Variants in COL4A1 observed in about 807,000 individuals in gnomAD.
COL4A1 encodes the protein collagen alpha-1(IV) chain.
In COL4A1, 40 loss-of-function variants were observed where a neutral mutation model predicts 216.6. That is an observed-to-expected ratio of 0.18 (90% CI 0.14 to 0.24). The LOEUF (loss-of-function observed/expected upper bound fraction) is 0.24. Ranked by LOEUF, COL4A1 falls within the 10% of genes least tolerant of loss-of-function variation. COL4A1 has a pLI of 1.00. For missense variants in COL4A1, 1,628 were observed against 2,196.8 expected (o/e 0.74, Z 5.18); for synonymous variants, 839 against 810.7 (o/e 1.03, Z -0.59).
At chr13:110,155,772 T>C (rs7999678) in intron 49 of COL4A1, among the ~76,000 whole-genome samples, 132,409 of 151,316 alleles carry the variant, frequency 0.88, 57,959 homozygotes, top group East Asian at 0.95. Context: ...ATTAGCTGGG[T>C]GTGGTGGCAC....
intron 48 of COL4A1, among the ~76,000 whole-genome samples, chr13:110,161,733 AAC>A (rs565701712): frequency 5.9e-5 from 9 of 152,364 alleles, no homozygotes; most frequent in Non-Finnish European, 7.3e-5. Context: ...AGAAAATTAA[AAC>A]ACAGTTTGGT....
intron 24 of COL4A1, among the ~76,000 whole-genome samples, chr13:110,188,992 T>TA (rs11430056): frequency 0.23 from 35,063 of 152,144 alleles, 4,797 homozygotes; most frequent in Admixed American, 0.3. Context: ...TTAAATTAAA[T>TA]AACACAAAAA....
At chr13:110,253,636 A>ATGTATTACATATACGTATAATTATATG (rs1882348580) in intron 1 of COL4A1, among the ~76,000 whole-genome samples, 4 of 143,898 alleles carry the variant, frequency 2.8e-5, no homozygotes, top group Non-Finnish European at 4.5e-5. Flanking sequence ...TTATATATGT[A>ATGTATTACATATACGTATAATTATATG]TGTATGTATT....
chr13:110,178,376 T>C (rs974537818), intron 31 of COL4A1, 145 bp from the exon 32 acceptor site: 116 of 981,988 alleles, frequency 1.2e-4, no homozygotes, highest in Non-Finnish European at 1.6e-4. Context: ...CTGTTAGGTG[T>C]TGGTGTTTGG....
At chr13:110,294,163 T>G (rs1205316422) in intron 1 of COL4A1, among the ~76,000 whole-genome samples, 1 of 152,188 alleles carries the variant, frequency 6.6e-6, no homozygotes, top group Non-Finnish European at 1.5e-5. Context: ...GTTGCCATTG[T>G]GCAGAGATGG....
chr13:110,182,189 C>A (rs186083498), intron 28 of COL4A1, among the ~76,000 whole-genome samples: 2 of 152,310 alleles, frequency 1.3e-5, no homozygotes, highest in Non-Finnish European at 2.9e-5. Context: ...CCCGCCCAGC[C>A]TGAGGGAAGC....
intron 20 of COL4A1, among the ~76,000 whole-genome samples, chr13:110,200,147 C>T (rs1210901609): frequency 1.3e-5 from 2 of 152,230 alleles, no homozygotes; most frequent in East Asian, 3.8e-4. Context: ...CGTTGTGTGC[C>T]AATGCTAGGG....
rs190230479 is a variant in COL4A1, at chr13:110,170,998, G to A, written c.3557-266C>T. Among the ~76,000 whole-genome samples, 116 of 152,324 alleles carry A rather than the reference G, an allele frequency of 7.6e-4. 1 individual carries two copies. Among genetic ancestry groups the A allele is most frequent in the African/African-American group, 1.9e-3 (79 of 41,566 alleles). The stretch of plus-strand genomic sequence containing the variant: ...ATCGTTTTCATACTTCTCACGAGAC[G>A]TGTTCTATGGCAAAGGCATCTGAAT... On this transcript the variant is annotated intron_variant, in intron 41 of 51. Transcript: ENST00000375820.
intron 22 of COL4A1, among the ~76,000 whole-genome samples, chr13:110,194,115 A>T (rs924914971): frequency 3.3e-5 from 5 of 152,220 alleles, no homozygotes; most frequent in Non-Finnish European, 7.3e-5. Flanking sequence ...ACTAGAGCAG[A>T]CAGACTCATT....
intron 2 of COL4A1, among the ~76,000 whole-genome samples, chr13:110,217,417 G>C (rs1880143661): frequency 6.6e-6 from 1 of 152,196 alleles, no homozygotes; most frequent in Non-Finnish European, 1.5e-5. Flanking sequence ...GGCAGAATGT[G>C]CACAGTTAGA....
At chr13:110,246,157 C>A (rs182028839) in intron 1 of COL4A1, among the ~76,000 whole-genome samples, 23 of 145,210 alleles carry the variant, frequency 1.6e-4, no homozygotes, top group East Asian at 4.0e-4. Context: ...AAAAAAAAAA[C>A]AAAAAAGCTA....
At chr13:110,213,268 TA>T (rs3837555) in intron 4 of COL4A1, among the ~76,000 whole-genome samples, 66,858 of 150,846 alleles carry the variant, frequency 0.44, 15,080 homozygotes, top group South Asian at 0.61. Flanking sequence ...AAAATTGAAA[TA>T]AAAAAAAACA....
chr13:110,205,464 T>C (rs745817875), intron 16 of COL4A1, 30 bp downstream of exon 16: 1 of 1,606,106 alleles, frequency 6.2e-7, no homozygotes, highest in Non-Finnish European at 8.5e-7. Context: ...ACAGTGAGCC[T>C]GCTTGTAAAA....
intron 4 of COL4A1, among the ~76,000 whole-genome samples, chr13:110,213,240 A>G (rs1879904976): frequency 6.6e-6 from 1 of 151,374 alleles, no homozygotes; most frequent in East Asian, 2.0e-4. Flanking sequence ...ATGCAACCAA[A>G]CACCACCTGT....
At position 110,214,252 on chromosome 13, in the gene COL4A1, G is replaced by C. The variant is rs534922023; in HGVS notation, c.145-237C>G. ...ATTACAGGCGTGCGCCACCACGCTG[G>C]CTAATTTTTGTATTTTTAGTAGAGG... On this transcript the variant is annotated intron_variant, in intron 2 of 51. Transcript: ENST00000375820. 2.0e-5 allele frequency among the ~76,000 whole-genome samples: 3 copies of C among 152,198 alleles called. No homozygotes were observed. In the East Asian group the frequency reaches 5.8e-4, roughly 29 times the overall value.
At chr13:110,287,086 T>C (rs935086560) in intron 1 of COL4A1, among the ~76,000 whole-genome samples, 1 of 152,010 alleles carries the variant, frequency 6.6e-6, no homozygotes, top group African/African-American at 2.4e-5. Flanking sequence ...GCCACCCACC[T>C]AGGAAGAGGC....
intron 26 of COL4A1, among the ~76,000 whole-genome samples, chr13:110,185,196 A>G (rs961460710): frequency 1.2e-4 from 18 of 151,926 alleles, no homozygotes; most frequent in Non-Finnish European, 2.2e-4. Context: ...CCCAGGCTGG[A>G]GTGCAGTGGC....
Position 110,195,071 on chromosome 13 carries a change from G to A in COL4A1, c.1333C>T (p.Pro445Ser), listed in dbSNP as rs1878826024. ...AATCCTGGCTGCCCTGGAATTCCAG[G>A]AGGACCCTGGTCACCTGGAGGTCCG... ...QPGPPGDQGP[P>S]GIPGQPGFIG... Residue 445 changes from proline to serine, a missense_variant, in exon 22 of 52, where the codon CCT (proline) becomes TCT (serine). By Grantham distance (74) the Pro-to-Ser change is moderately conservative. Around this residue, in one of 8 missense-constraint regions of COL4A1, gnomAD observed 701 missense variants for 892.5 expected, o/e 0.79. Transcript: ENST00000375820. 3 of 1,614,118 alleles carry A rather than the reference G, an allele frequency of 1.9e-6. No individual in the cohort carries two copies. Among genetic ancestry groups the A allele is most frequent in the African/African-American group, 1.3e-5 (1 of 75,008 alleles).
chr13:110,273,160 G>GGCCT (rs1263334434), intron 1 of COL4A1, among the ~76,000 whole-genome samples: 1 of 152,180 alleles, frequency 6.6e-6, no homozygotes, highest in Admixed American at 6.5e-5. Context: ...GGGCATTATG[G>GGCCT]GCCTGGCAAA....
Sources: allele counts gnomAD v4.1 joint callset (sites outside exome capture counted in the v4.1 genomes callset), GRCh38; gene constraint gnomAD v4.1.1; regional missense constraint gnomAD v4.1.1; transcripts MANE v1.5; gene names NCBI Gene and HGNC (gene_info 2026-07-23, HGNC 2026-07-21).